The following ROBO2 variants were observed in gnomAD, a reference collection of about 807,000 sequenced individuals.
The protein encoded by ROBO2 is roundabout guidance receptor 2.
Under a neutral mutation model 160.8 loss-of-function variants are expected in ROBO2, and 53 were observed. The observed-to-expected ratio is 0.33, with a 90% CI of 0.26 to 0.41. ROBO2 has a LOEUF of 0.41. Among genes scored for constraint, ROBO2 ranks in the 10% least tolerant of loss-of-function variants. The probability of loss-of-function intolerance (pLI) is 1.00; values close to 1 mark genes in which losing one functional copy is unlikely to be tolerated. For missense variants in ROBO2, 1,577 were observed against 1,722.4 expected, an observed-to-expected ratio of 0.92 and a Z score of 1.49; for synonymous variants, 664 against 611.7, an observed-to-expected ratio of 1.09 and a Z score of -1.26.
intron 2 of ROBO2, among the ~76,000 whole-genome samples, chr3:76,060,882 TC>T (rs1278811139): frequency 6.6e-6 from 1 of 152,168 alleles, no homozygotes; most frequent in Admixed American, 6.5e-5. Context: ...CTCATGATCA[TC>T]CCTGTTCCCA....
chr3:76,719,664 G>A (rs938063655), intron 2 of ROBO2, among the ~76,000 whole-genome samples: 10 of 152,048 alleles, frequency 6.6e-5, no homozygotes, highest in Non-Finnish European at 1.2e-4. Context: ...CGGGTGGATC[G>A]CCTGAGGTCA....
chr3:76,214,379 G>A (rs1703354922), intron 2 of ROBO2, among the ~76,000 whole-genome samples: 1 of 152,188 alleles, frequency 6.6e-6, no homozygotes, highest in Admixed American at 6.5e-5. Flanking sequence ...CCTCACCCAG[G>A]AAGCACAAGG....
chr3:77,249,781 A>C (rs1580367803), intron 2 of ROBO2, among the ~76,000 whole-genome samples: 1 of 152,106 alleles, frequency 6.6e-6, no homozygotes, highest in East Asian at 1.9e-4. Context: ...GTCTTACACC[A>C]ATCAAATTTG....
intron 2 of ROBO2, among the ~76,000 whole-genome samples, chr3:76,957,907 C>T (rs145735299): frequency 1.1e-3 from 171 of 152,038 alleles, no homozygotes; most frequent in African/African-American, 4.0e-3. Context: ...TTCATGACCA[C>T]GGATGAGATG....
At chr3:76,737,036 T>A (rs1009383209) in intron 2 of ROBO2, among the ~76,000 whole-genome samples, 1 of 152,230 alleles carries the variant, frequency 6.6e-6, no homozygotes, top group Admixed American at 6.5e-5. Flanking sequence ...GCAAAGTTAT[T>A]GAGAATGGCA....
exon 1 of ROBO2, chr3:77,040,747 G>A: frequency 1.2e-6 from 2 of 1,613,806 alleles, no homozygotes; most frequent in Non-Finnish European, 1.7e-6. Context: ...CTCTGGGATT[G>A]GTTTCTTAAA....
chr3:76,325,487 T>C (rs1470265060), intron 2 of ROBO2, among the ~76,000 whole-genome samples: 2 of 152,168 alleles, frequency 1.3e-5, no homozygotes, highest in African/African-American at 4.8e-5. Context: ...TTCCCAATGT[T>C]TGGGGATGTC....
chr3:77,473,074 G>C (rs1258355788), intron 2 of ROBO2, among the ~76,000 whole-genome samples: 1 of 151,940 alleles, frequency 6.6e-6, no homozygotes, highest in Admixed American at 6.6e-5. Flanking sequence ...GTATCTCCCA[G>C]GGTGCGACGA....
At chr3:77,493,102 C>T in intron 4 of ROBO2, 142 bp from the exon 5 acceptor site, 1 of 776,262 alleles carries the variant, frequency 1.3e-6, no homozygotes, top group East Asian at 2.6e-5. Flanking sequence ...TTCACAAGGC[C>T]TTATTAAAAC....
At chr3:76,132,395 G>T (rs1454308484) in intron 2 of ROBO2, among the ~76,000 whole-genome samples, 3 of 43,974 alleles carry the variant, frequency 6.8e-5, no homozygotes, top group African/African-American at 4.5e-4. Flanking sequence ...CCAGACTGTT[G>T]GGGGGGGGGG....
intron 2 of ROBO2, among the ~76,000 whole-genome samples, chr3:76,285,903 A>C (rs1037108619): frequency 2.6e-5 from 4 of 152,142 alleles, no homozygotes; most frequent in Non-Finnish European, 1.5e-5. Context: ...TGTTTGATTT[A>C]AAATGTAATC....
intron 2 of ROBO2, among the ~76,000 whole-genome samples, chr3:76,037,260 C>CTTTTTTT (rs5850229): frequency 1.5e-5 from 2 of 137,182 alleles, no homozygotes; most frequent in Non-Finnish European, 3.1e-5. Context: ...TTTCTTTTTT[C>CTTTTTTT]TTTTTTTTTT....
intron 2 of ROBO2, among the ~76,000 whole-genome samples, chr3:76,390,065 A>C (rs2077072864): frequency 6.6e-6 from 1 of 152,168 alleles, no homozygotes; most frequent in African/African-American, 2.4e-5. Flanking sequence ...AATTGTCTTC[A>C]CATAAGGACT....
At chr3:76,265,782 T>G (rs1707062918) in intron 2 of ROBO2, among the ~76,000 whole-genome samples, 1 of 152,134 alleles carries the variant, frequency 6.6e-6, no homozygotes, top group African/African-American at 2.4e-5. Context: ...AAATGCTATT[T>G]GCATAAAAGA....
At chr3:77,584,750 T>G (rs2094000150) in intron 16 of ROBO2, among the ~76,000 whole-genome samples, 1 of 151,948 alleles carries the variant, frequency 6.6e-6, no homozygotes. Context: ...AATCTTGTCC[T>G]TCTGAGATTT....
chr3:77,384,657 C>T (rs9816304), intron 2 of ROBO2, among the ~76,000 whole-genome samples: 76,214 of 151,940 alleles, frequency 0.5, 19,221 homozygotes, highest in Admixed American at 0.57. Flanking sequence ...ACTCAATGAA[C>T]GTCATTTTAA....
At chr3:77,620,088 T>C (rs1478301397) in intron 22 of ROBO2, among the ~76,000 whole-genome samples, 1 of 152,194 alleles carries the variant, frequency 6.6e-6, no homozygotes, top group African/African-American at 2.4e-5. Flanking sequence ...CAAATACCCA[T>C]AGAGGACACC....
chr3:76,568,325 T>A (rs1365551562), intron 2 of ROBO2, among the ~76,000 whole-genome samples: 28 of 151,982 alleles, frequency 1.8e-4, no homozygotes, highest in Admixed American at 1.8e-3. Context: ...TGAGGCGGAG[T>A]CTCGCTCTGT....
At chr3:75,981,612 TTTA>T (rs2065277223) in intron 2 of ROBO2, among the ~76,000 whole-genome samples, 1 of 151,204 alleles carries the variant, frequency 6.6e-6, no homozygotes, top group Non-Finnish European at 1.5e-5. Flanking sequence ...TAAATTGTTT[TTTA>T]TTTTTATTAT....
Sources: allele counts gnomAD v4.1 joint callset (sites outside exome capture counted in the v4.1 genomes callset), GRCh38; gene constraint gnomAD v4.1.1; transcripts MANE v1.5; gene names NCBI Gene and HGNC (gene_info 2026-07-23, HGNC 2026-07-21).